LINGO3: variants seen among roughly 807,000 people sequenced by gnomAD.
LINGO3 encodes leucine-rich repeat and immunoglobulin-like domain-containing nogo receptor-interacting protein 3.
For synonymous variants in LINGO3, 427 were observed against 444.2 expected, an observed-to-expected ratio of 0.96 and a Z score of 0.49; for missense variants, 750 against 867.7, an observed-to-expected ratio of 0.86 and a Z score of 1.70.
At chr19:2,306,423 G>A in the LINGO3 span, among the ~76,000 whole-genome samples, 1 of 152,194 alleles carries the variant, frequency 6.6e-6, no homozygotes, top group East Asian at 1.9e-4. Flanking sequence ...ACCTGGTGAC[G>A]AGGTAGTGAC....
exon 1 of LINGO3, chr19:2,289,932 C>T: frequency 2.2e-6 from 3 of 1,346,924 alleles, no homozygotes; most frequent in Non-Finnish European, 3.0e-6. Context: ...CCGGGAAATG[C>T]ATAGGTGGAC....
upstream of LINGO3, among the ~76,000 whole-genome samples, chr19:2,292,833 C>T (rs570402275): frequency 4.2e-4 from 64 of 152,076 alleles, 1 homozygote; most frequent in Admixed American, 3.4e-3. Context: ...ACACAGCGCA[C>T]GGAAAACCTG....
At chr19:2,293,508 C>T (rs979010457), upstream of LINGO3, among the ~76,000 whole-genome samples, 21 of 151,852 alleles carry the variant, frequency 1.4e-4, no homozygotes, top group South Asian at 4.2e-4. Flanking sequence ...TACAGGCACC[C>T]GCCACCATGC....
At chr19:2,303,366 G>T in the LINGO3 span, among the ~76,000 whole-genome samples, 1 of 139,374 alleles carries the variant, frequency 7.2e-6, no homozygotes, top group East Asian at 2.1e-4. Context: ...TGGGGGGGGG[G>T]GTCTGTTCCG....
chr19:2,304,142 A>G, the LINGO3 span, among the ~76,000 whole-genome samples: 1 of 152,190 alleles, frequency 6.6e-6, no homozygotes, highest in South Asian at 2.1e-4. Context: ...ACAAACATTC[A>G]TTCAACAAGC....
chr19:2,299,899 A>AT, the LINGO3 span, among the ~76,000 whole-genome samples: 6 of 144,234 alleles, frequency 4.2e-5, no homozygotes, highest in Non-Finnish European at 4.5e-5. Flanking sequence ...AATTTTTTGT[A>AT]TTTTTAGCAG....
the LINGO3 span, among the ~76,000 whole-genome samples, chr19:2,302,304 G>A: frequency 1.3e-5 from 2 of 152,114 alleles, no homozygotes; most frequent in Admixed American, 6.6e-5. Flanking sequence ...CAGGTGATCA[G>A]CCCGCCCCAG....
upstream of LINGO3, among the ~76,000 whole-genome samples, chr19:2,293,033 G>A (rs937799776): frequency 1.3e-5 from 2 of 151,382 alleles, no homozygotes; most frequent in Admixed American, 6.6e-5. Context: ...TGAGAGACGC[G>A]ACACAAAAGG....
the LINGO3 span, among the ~76,000 whole-genome samples, chr19:2,301,206 G>A: frequency 6.6e-6 from 1 of 152,132 alleles, no homozygotes; most frequent in Admixed American, 6.5e-5. Flanking sequence ...TACACCGTCT[G>A]CCGGGTCAGG....
chr19:2,301,658 G>A, the LINGO3 span, among the ~76,000 whole-genome samples: 1 of 152,080 alleles, frequency 6.6e-6, no homozygotes, highest in Non-Finnish European at 1.5e-5. Flanking sequence ...GGCTGGGTGC[G>A]GTGGCTCACG....
At chr19:2,291,931 A>G in exon 1 of LINGO3, 1 of 665,594 alleles carries the variant, frequency 1.5e-6, no homozygotes, top group South Asian at 1.5e-5. Flanking sequence ...TCGCTCCTGT[A>G]AACCCAGCAT....
downstream of LINGO3, among the ~76,000 whole-genome samples, chr19:2,288,937 G>A (rs991745481): frequency 6.8e-6 from 1 of 146,928 alleles, no homozygotes; most frequent in Admixed American, 6.8e-5. The surrounding 1 kb of genome is among the most constrained non-coding windows in gnomAD (Gnocchi z 6.5). Flanking sequence ...GGTGCCCAGG[G>A]CTTGGTTTTA....
upstream of LINGO3, among the ~76,000 whole-genome samples, chr19:2,295,448 C>T (rs1206542796): frequency 6.6e-6 from 1 of 152,134 alleles, no homozygotes; most frequent in Non-Finnish European, 1.5e-5. Flanking sequence ...AGCAGCAGCT[C>T]CTCTTGCCCG....
the LINGO3 span, among the ~76,000 whole-genome samples, chr19:2,299,697 T>C: frequency 5.4e-5 from 8 of 147,754 alleles, no homozygotes; most frequent in Non-Finnish European, 1.2e-4. Context: ...GTGCTGGGAT[T>C]ACAGGCGTGA....
chr19:2,301,590 C>G, the LINGO3 span, among the ~76,000 whole-genome samples: 3 of 152,066 alleles, frequency 2.0e-5, no homozygotes, highest in Admixed American at 2.0e-4. Context: ...CAGAGACGGA[C>G]GGCGACGTGC....
exon 1 of LINGO3, chr19:2,289,937 G>A (rs906926441): frequency 3.6e-6 from 5 of 1,376,694 alleles, no homozygotes; most frequent in South Asian, 1.4e-5. Flanking sequence ...AAATGCATAG[G>A]TGGACACGCG....
At chr19:2,303,359 G>T in the LINGO3 span, among the ~76,000 whole-genome samples, 10 of 8,866 alleles carry the variant, frequency 1.1e-3, no homozygotes, top group South Asian at 7.5e-3. Context: ...GGAGCTGTGG[G>T]GGGGGGGGTC....
At chr19:2,297,339 C>G in the LINGO3 span, among the ~76,000 whole-genome samples, 256 of 124,164 alleles carry the variant, frequency 2.1e-3, 1 homozygote, top group Non-Finnish European at 1.6e-3. Context: ...GAGTCTCGCT[C>G]TGTCGCCCAG....
chr19:2,289,968 G>A, exon 1 of LINGO3: 1 of 1,469,920 alleles, frequency 6.8e-7, no homozygotes, highest in East Asian at 2.6e-5. Context: ...CCGCGGGGGA[G>A]GGGAGGGGAG....
Sources: allele counts gnomAD v4.1 joint callset (sites outside exome capture counted in the v4.1 genomes callset), GRCh38; gene constraint gnomAD v4.1.1; non-coding constraint Gnocchi (gnomAD v3.1); transcripts MANE v1.5; gene names NCBI Gene and HGNC (gene_info 2026-07-23, HGNC 2026-07-21).